Variants in DNAH14 observed in about 807,000 individuals in gnomAD.
The protein encoded by DNAH14 is dynein axonemal heavy chain 14.
DNAH14 carries 478 observed loss-of-function variants against 520.9 expected under a neutral mutation model. That is an observed-to-expected ratio of 0.92 (90% confidence interval 0.85 to 0.99). DNAH14 has a LOEUF of 0.99. DNAH14 is among the 50% of genes least tolerant of loss of function. DNAH14 has a pLI of 0.00. For synonymous variants in DNAH14, 1,581 were observed against 1,757.2 expected (o/e 0.90, Z 2.51); for missense variants, 4,831 against 5,234.5 (o/e 0.92, Z 2.38).
intron 42 of DNAH14, among the ~76,000 whole-genome samples, chr1:225,239,178 A>G (rs1181297337): frequency 6.6e-6 from 1 of 152,146 alleles, no homozygotes; most frequent in Non-Finnish European, 1.5e-5. Context: ...CCTATCAGAA[A>G]TTATGGATAG....
intron 83 of DNAH14, among the ~76,000 whole-genome samples, chr1:225,391,896 G>A (rs2095919124): frequency 6.6e-6 from 1 of 152,110 alleles, no homozygotes; most frequent in Non-Finnish European, 1.5e-5. Context: ...GTCATTTCTT[G>A]AGGAAGACTC....
At chr1:225,354,969 TG>T (rs772124632) in intron 73 of DNAH14, among the ~76,000 whole-genome samples, 2 of 152,230 alleles carry the variant, frequency 1.3e-5, no homozygotes, top group African/African-American at 2.4e-5. Context: ...CCTGAAGTTT[TG>T]TTTGGTTTTT....
chr1:225,078,859 CCTCTCTCTCTCTCTCTCT>C (rs752732306), intron 17 of DNAH14, among the ~76,000 whole-genome samples: 1 of 18,982 alleles, frequency 5.3e-5, no homozygotes, highest in Non-Finnish European at 1.2e-4. Context: ...TCTCTCTCTC[CCTCTCTCTCTCTCTCTCT>C]CTCTCTCTCT....
Position 225,240,793 on chromosome 1 carries a change from AT to A in DNAH14, c.6720del (p.His2240GlnfsTer10), listed in dbSNP as rs770528474. 2.5e-5 allele frequency: 39 copies of A among 1,549,846 alleles called. No individual in the cohort carries two copies. Among genetic ancestry groups the A allele is most frequent in the Non-Finnish European group, 3.4e-5 (39 of 1,145,874 alleles). ...ACATACGATTTTGACAAACTTGTTC[AT>A]GAATTATTTGGAAACAGTTCACAAG... ...KVTYDFDKLV[H>X]ELFGNSSQVG... On this transcript the variant is annotated frameshift_variant, in exon 43 of 86. Coordinates refer to ENST00000682510, the MANE Select transcript of DNAH14 (RefSeq NM_001367479.1). LOFTEE classifies it high-confidence loss of function.
intron 76 of DNAH14, among the ~76,000 whole-genome samples, chr1:225,366,537 G>A (rs894619283): frequency 6.6e-6 from 1 of 152,140 alleles, no homozygotes; most frequent in South Asian, 2.1e-4. Context: ...GGGAAACAGT[G>A]CTCGATAAAT....
chr1:224,938,080 C>T (rs910815598), intron 1 of DNAH14, among the ~76,000 whole-genome samples: 1 of 152,122 alleles, frequency 6.6e-6, no homozygotes, highest in Non-Finnish European at 1.5e-5. Context: ...AATCTAAGAA[C>T]TGAAACTATG....
intron 3 of DNAH14, among the ~76,000 whole-genome samples, chr1:224,956,448 G>C (rs1207892319): frequency 6.6e-6 from 1 of 152,030 alleles, no homozygotes; most frequent in Non-Finnish European, 1.5e-5. Context: ...TGTTACAGTT[G>C]CCAACAGTAT....
At chr1:225,227,480 G>A (rs1574136010) in intron 41 of DNAH14, among the ~76,000 whole-genome samples, 1 of 152,250 alleles carries the variant, frequency 6.6e-6, no homozygotes, top group Admixed American at 6.5e-5. Flanking sequence ...CAGATTAACA[G>A]CATCTCAAGG....
intron 22 of DNAH14, among the ~76,000 whole-genome samples, chr1:225,097,727 T>C (rs1268412243): frequency 1.3e-5 from 2 of 152,020 alleles, no homozygotes; most frequent in Non-Finnish European, 2.9e-5. Flanking sequence ...TGAGCCAAGA[T>C]TGTGCCACTG....
At chr1:225,245,302 GAGA>G (rs199513625) in intron 43 of DNAH14, among the ~76,000 whole-genome samples, 4,210 of 152,272 alleles carry the variant, frequency 0.028, 80 homozygotes, top group Non-Finnish European at 0.042. Context: ...ATGTGGTGCT[GAGA>G]AGAATGTATA....
At chr1:224,999,293 G>A (rs866017448) in intron 8 of DNAH14, among the ~76,000 whole-genome samples, 6 of 152,006 alleles carry the variant, frequency 3.9e-5, no homozygotes, top group African/African-American at 2.4e-5. Flanking sequence ...CACAACTTCC[G>A]CCTCCCGGGT....
At chr1:225,169,095 A>G (rs2082334107) in intron 36 of DNAH14, among the ~76,000 whole-genome samples, 1 of 152,110 alleles carries the variant, frequency 6.6e-6, no homozygotes, top group Non-Finnish European at 1.5e-5. Context: ...GGGTCCTCTT[A>G]GAAGGAAAAC....
rs190608965 is a variant in DNAH14, at chr1:225,191,133, T to A, written c.5671-1563T>A. On this transcript the variant is annotated intron_variant, in intron 37 of 85. Coordinates refer to ENST00000682510, the MANE Select transcript of DNAH14 (RefSeq NM_001367479.1). ...AAATAAAGTAATAGTGGCTTTTATA[T>A]TTACCTTAACCAGAGATCTTTATTT... is the stretch of plus-strand genomic sequence containing the variant. 2.1e-3 allele frequency among the ~76,000 whole-genome samples: 316 copies of A among 152,150 alleles called. 1 individual carries two copies. The highest frequency in any genetic ancestry group is 3.8e-3 in the Non-Finnish European group (257 of 67,932).
At chr1:225,383,447 G>C (rs568552349) in intron 81 of DNAH14, among the ~76,000 whole-genome samples, 1 of 152,166 alleles carries the variant, frequency 6.6e-6, no homozygotes, top group Non-Finnish European at 1.5e-5. Flanking sequence ...AGCAAGCCCC[G>C]TGGTGAAACA....
chr1:225,004,486 T>TA (rs2064015219), intron 9 of DNAH14, among the ~76,000 whole-genome samples: 1 of 152,170 alleles, frequency 6.6e-6, no homozygotes, highest in African/African-American at 2.4e-5. Flanking sequence ...ATAAAGAATA[T>TA]AAATGTGAGT....
intron 66 of DNAH14, among the ~76,000 whole-genome samples, chr1:225,336,503 C>G (rs1390638518): frequency 6.6e-6 from 1 of 151,778 alleles, no homozygotes; most frequent in Non-Finnish European, 1.5e-5. Context: ...AAAAAATAGA[C>G]AAATCTACAA....
rs1228332660 is a variant in DNAH14, at chr1:224,929,681, C to T, written c.-188C>T. On this transcript the variant is annotated 5_prime_UTR_variant, in exon 1 of 86. Transcript: ENST00000682510. The stretch of plus-strand genomic sequence containing the variant: ...GGCGCAGGCGTGGCTCTTGGTCAGG[C>T]GGTTACGGCCAGGAGGCGTCGGAGC... The T allele has an allele frequency of 4.3e-6, 3 of 702,316 alleles. No homozygotes were observed. The highest frequency in any genetic ancestry group is 2.7e-5 in the East Asian group (1 of 37,286). The allele number at this position is 702,316 out of a possible 1,614,324, so 43.5% of individuals were successfully genotyped here.
intron 23 of DNAH14, among the ~76,000 whole-genome samples, chr1:225,106,019 C>A (rs9919123): frequency 0.013 from 1,665 of 132,350 alleles, 83 homozygotes; most frequent in African/African-American, 0.055. Context: ...GTGGCTGGTA[C>A]CAGTTGTTCC....
In DNAH14 at chr1:225,038,741, G is replaced by A. The variant is rs2067190229; in HGVS notation, c.1406G>A (p.Cys469Tyr). 1 of 1,536,142 alleles carries A rather than the reference G, an allele frequency of 6.5e-7. No individual in the cohort carries two copies. Among genetic ancestry groups the A allele is most frequent in the South Asian group, 1.3e-5 (1 of 79,950 alleles). The change falls in exon 12 of 86, where the codon TGT becomes TAT. Residue 469 changes from cysteine to tyrosine, a missense_variant. Physicochemically the swap from Cys to Tyr is radical, Grantham distance 194. Transcript: ENST00000682510. ...CCTACTGGAAAGACAACAAATGATT[G>A]TGAAGAACTTGTTGATAATTCAAAG... ...SFPTGKTTNDCEELVDNSKLH... is the reference protein window; with the variant it reads ...SFPTGKTTNDYEELVDNSKLH...
Sources: gnomAD v4.1 joint callset for allele counts (sites outside exome capture counted in the v4.1 genomes callset) on GRCh38, gnomAD v4.1.1 for gene constraint, MANE v1.5 for transcripts, NCBI Gene and HGNC (gene_info 2026-07-23, HGNC 2026-07-21) for gene names.